Variants in GPBP1 observed in about 807,000 individuals in gnomAD.
The protein encoded by GPBP1 is GC-rich promoter binding protein 1.
In GPBP1, 13 loss-of-function variants were observed where a neutral mutation model predicts 56.5. The ratio of observed to expected loss-of-function variants is 0.23; its 90% confidence interval spans 0.15 to 0.37. GPBP1 has a LOEUF of 0.37. Ranked by LOEUF, GPBP1 falls within the 10% of genes least tolerant of loss-of-function variation. GPBP1 has a pLI of 1.00. For missense variants in GPBP1, 477 were observed against 572.3 expected (o/e 0.83, Z 1.70); for synonymous variants, 204 against 188.9 (o/e 1.08, Z -0.66).
chr5:57,215,117 T>G (rs533087025), intron 3 of GPBP1, among the ~76,000 whole-genome samples: 12 of 152,324 alleles, frequency 7.9e-5, no homozygotes, highest in African/African-American at 2.9e-4. Context: ...TTCTATACTG[T>G]TTTTTACTCT....
chr5:57,236,002 C>G lies in GPBP1; in HGVS notation c.448C>G (p.His150Asp), dbSNP rs1756645971. The change falls in exon 6 of 12, where the codon CAC (histidine) becomes GAC (aspartate). Residue 150 changes from histidine (H) to aspartate (D), a missense_variant. Around this residue, in one of 2 missense-constraint regions of GPBP1, gnomAD observed 414 missense variants for 458.2 expected, o/e 0.90. Transcript: ENST00000506184. ...LNPEYEREPN[H>D]NKSLAAGVWE... is the part of the protein sequence containing the mutation. Reference sequence around the variant, plus strand: ...TCCTGAGTATGAGAGAGAACCAAATCACAATAAGTCTTTAGCTGCAGGTGT... The same window carrying G: ...TCCTGAGTATGAGAGAGAACCAAATGACAATAAGTCTTTAGCTGCAGGTGT... The G allele has an allele frequency of 6.2e-7, 1 of 1,611,630 alleles. No individual in the cohort carries two copies. Among genetic ancestry groups the G allele is most frequent in the Admixed American group, 1.7e-5 (1 of 59,970 alleles).
At chr5:57,234,149 A>G (rs1244947470) in intron 5 of GPBP1, among the ~76,000 whole-genome samples, 3 of 152,188 alleles carry the variant, frequency 2.0e-5, no homozygotes, top group Admixed American at 6.5e-5. Flanking sequence ...TCTCAGTACA[A>G]TGTTAGTAAT....
At chr5:57,256,169 T>C (rs960306215) in intron 10 of GPBP1, among the ~76,000 whole-genome samples, 1 of 152,062 alleles carries the variant, frequency 6.6e-6, no homozygotes, top group Non-Finnish European at 1.5e-5. Context: ...AGCACAAGAA[T>C]CTCTGGAACC....
chr5:57,254,190 T>C (rs1245699808), intron 10 of GPBP1, among the ~76,000 whole-genome samples: 1 of 152,130 alleles, frequency 6.6e-6, no homozygotes, highest in Non-Finnish European at 1.5e-5. Context: ...CCTCCCAGAG[T>C]GCTGGGATTA....
intron 2 of GPBP1, among the ~76,000 whole-genome samples, chr5:57,177,316 A>C (rs1753826950): frequency 6.6e-6 from 1 of 152,144 alleles, no homozygotes; most frequent in Non-Finnish European, 1.5e-5. Context: ...TTTTCGGTGA[A>C]TCATAGGCAT....
intron 6 of GPBP1, among the ~76,000 whole-genome samples, chr5:57,241,833 T>TATAATTAACCAAGTCAG (rs1349679601): frequency 6.6e-6 from 1 of 152,228 alleles, no homozygotes; most frequent in East Asian, 1.9e-4. Context: ...GTCTTCTTCA[T>TATAATTAACCAAGTCAG]ATAATTAACC....
chr5:57,200,360 A>ATTTTTTTTTTTTTTTTTTTTTTTTTTTT, intron 2 of GPBP1, among the ~76,000 whole-genome samples: 1 of 69,774 alleles, frequency 1.4e-5, no homozygotes, highest in Non-Finnish European at 2.6e-5. Flanking sequence ...ATAAGTTTGA[A>ATTTTTTTTTTTTTTTTTTTTTTTTTTTT]TTTTTTTTTT....
At chr5:57,183,125 G>A (rs1171401184) in intron 2 of GPBP1, among the ~76,000 whole-genome samples, 1 of 151,866 alleles carries the variant, frequency 6.6e-6, no homozygotes, top group African/African-American at 2.4e-5. Context: ...CAGCACTTTG[G>A]GAGGCTGAAG....
rs1227871235 is a variant in GPBP1, at chr5:57,175,547, A to T, written c.-911A>T. On this transcript the variant is annotated 5_prime_UTR_variant, in exon 2 of 12. Transcript: ENST00000506184. Reference sequence around the variant, plus strand: ...TTTTGGATTTACAGTGTTTTTGGATAATTTTGCCCCAGAAGTTTATTAAAA... The same window carrying T: ...TTTTGGATTTACAGTGTTTTTGGATTATTTTGCCCCAGAAGTTTATTAAAA... 4 of 398,404 alleles carry T rather than the reference A, an allele frequency of 1.0e-5. No homozygotes were observed. Among genetic ancestry groups the T allele is most frequent in the African/African-American group, 8.2e-5 (4 of 48,628 alleles). 24.7% of individuals were successfully genotyped at this position (398,404 alleles called of 1,614,324 possible).
chr5:57,237,120 C>T (rs1215663193), intron 6 of GPBP1: 23 of 1,547,236 alleles, frequency 1.5e-5, no homozygotes, highest in East Asian at 2.4e-5. Context: ...CAGGCCTACA[C>T]GCCCAGACAC....
rs889712475 is a variant in GPBP1, at chr5:57,249,578, T to C, written c.972+2T>C. 6.3e-7 allele frequency: 1 copy of C among 1,597,350 alleles called. No homozygotes were observed. Among genetic ancestry groups the C allele is most frequent in the African/African-American group, 1.4e-5 (1 of 74,068 alleles). ...GAAAGCCGTGCTGGCTCAGAGAAGGTAATTGAATTTATAGCAATACTTGAT... is the reference window on the plus strand; with the variant it reads ...GAAAGCCGTGCTGGCTCAGAGAAGGCAATTGAATTTATAGCAATACTTGAT... On this transcript the variant is annotated splice_donor_variant, in intron 9 of 11. Transcript: ENST00000506184. LOFTEE classifies it high-confidence loss of function.
intron 2 of GPBP1, among the ~76,000 whole-genome samples, chr5:57,180,509 T>G (rs1279386115): frequency 6.6e-6 from 1 of 152,198 alleles, no homozygotes; most frequent in Non-Finnish European, 1.5e-5. Flanking sequence ...AACGTTTAGA[T>G]CTATCAATGT....
chr5:57,236,995 CTTTA>C lies in GPBP1; in HGVS notation c.478+968_478+971del, dbSNP rs1184093956. The C allele has an allele frequency of 9.8e-6, 6 of 615,242 alleles. No individual in the cohort carries two copies. In the African/African-American group the frequency reaches 1.0e-4, roughly 11 times the overall value. The allele number at this position is 615,242 out of a possible 1,614,324, so 38.1% of individuals were successfully genotyped here. A position where few individuals can be genotyped will look rare whatever the true frequency, so the allele number is the denominator to read the frequency against. On this transcript the variant is annotated intron_variant, in intron 6 of 11. Transcript: ENST00000506184. The stretch of plus-strand genomic sequence containing the variant: ...TATTTTGTTTTCTTTTGATCTTCCT[CTTTA>C]TTTAAGGGCTTTTTGAGGGTGGGGG...
At chr5:57,184,973 T>C (rs1375133285) in intron 2 of GPBP1, among the ~76,000 whole-genome samples, 2 of 152,236 alleles carry the variant, frequency 1.3e-5, no homozygotes, top group Non-Finnish European at 2.9e-5. Context: ...ATTTTTATTA[T>C]TGCTAAATAG....
At chr5:57,240,933 C>G (rs911900683) in intron 6 of GPBP1, among the ~76,000 whole-genome samples, 1 of 148,358 alleles carries the variant, frequency 6.7e-6, no homozygotes, top group Non-Finnish European at 1.5e-5. Context: ...GCCTGGGCAA[C>G]AAGAGCGAAA....
chr5:57,251,918 T>C (rs1204179376), intron 10 of GPBP1, among the ~76,000 whole-genome samples: 2 of 152,234 alleles, frequency 1.3e-5, no homozygotes, highest in African/African-American at 4.8e-5. Flanking sequence ...ACTAATAGTG[T>C]TGAGTATCTT....
At position 57,263,366 on chromosome 5, in the gene GPBP1, A is replaced by G. The variant is rs995824455; in HGVS notation, c.*614A>G. 6.6e-6 allele frequency: 1 copy of G among 152,236 alleles called. No individual in the cohort carries two copies. Among genetic ancestry groups the G allele is most frequent in the Non-Finnish European group, 1.5e-5 (1 of 68,038 alleles). 9.4% of individuals were successfully genotyped at this position (152,236 alleles called of 1,614,324 possible). A position where few individuals can be genotyped will look rare whatever the true frequency, so the allele number is the denominator to read the frequency against. The stretch of plus-strand genomic sequence containing the variant: ...ATTGCTCTTTAGCCATTTGTAGTGC[A>G]GTAAATGTTACAGGAAAAGACTTGG... On this transcript the variant is annotated 3_prime_UTR_variant, in exon 12 of 12. Coordinates refer to ENST00000506184, the MANE Select transcript of GPBP1 (RefSeq NM_022913.4).
In GPBP1 at chr5:57,263,005, A is replaced by G. The variant is rs1278809326; in HGVS notation, c.*253A>G. ...CATTGACTTTCTTCATCACTGCAAC[A>G]TTTCTCTGACTAGCAATGTGACGAT... is the stretch of plus-strand genomic sequence containing the variant. On this transcript the variant is annotated 3_prime_UTR_variant, in exon 12 of 12. Coordinates refer to ENST00000506184, the MANE Select transcript of GPBP1 (RefSeq NM_022913.4). The G allele has an allele frequency of 6.2e-6, 2 of 324,566 alleles. No homozygotes were observed. Among genetic ancestry groups the G allele is most frequent in the Non-Finnish European group, 1.1e-5 (2 of 178,072 alleles). The allele number at this position is 324,566 out of a possible 1,614,324, so 20.1% of individuals were successfully genotyped here.
intron 2 of GPBP1, among the ~76,000 whole-genome samples, chr5:57,192,588 T>C (rs1343093424): frequency 6.6e-6 from 1 of 151,738 alleles, no homozygotes; most frequent in East Asian, 1.9e-4. Context: ...ACTCCGTCTC[T>C]ACTAAAAATA....
Sources: gnomAD v4.1 joint callset for allele counts (sites outside exome capture counted in the v4.1 genomes callset) on GRCh38, gnomAD v4.1.1 for gene constraint, gnomAD v4.1.1 regional missense constraint, MANE v1.5 for transcripts, NCBI Gene and HGNC (gene_info 2026-07-23, HGNC 2026-07-21) for gene names.